RASL12: variants seen among roughly 807,000 people sequenced by gnomAD.
RASL12 encodes the protein RAS like family 12.
RASL12 carries 16 observed loss-of-function variants against 22.9 expected under a neutral mutation model. The observed-to-expected ratio is 0.70, with a 90% CI of 0.47 to 1.06. The LOEUF (loss-of-function observed/expected upper bound fraction) is 1.06, where lower values mean the gene tolerates loss of function less well. Among genes scored for constraint, RASL12 ranks in the 50% least tolerant of loss-of-function variants. RASL12 has a pLI of 0.00. For missense variants in RASL12, 306 were observed against 353.1 expected (o/e 0.87, Z 1.07); for synonymous variants, 159 against 152.2 (o/e 1.04, Z -0.33).
chr15:65,074,383 T>C lies in RASL12; in HGVS notation c.70+2146A>G, dbSNP rs1411886702. The stretch of plus-strand genomic sequence containing the variant: ...GAAATAGGTGTTATTATTGGCCCCA[T>C]TTTATTTTTTAATTAATTTTTTTTT... On this transcript the variant is annotated intron_variant, in intron 1 of 4. Transcript: ENST00000434605. Among the ~76,000 whole-genome samples, 2 of 146,754 alleles carry C rather than the reference T, an allele frequency of 1.4e-5. 1 individual carries two copies. The highest frequency in any genetic ancestry group is 3.0e-5 in the Non-Finnish European group (2 of 66,732).
At chr15:65,070,435 G>C (rs1453136539), upstream of RASL12, among the ~76,000 whole-genome samples, 1 of 152,210 alleles carries the variant, frequency 6.6e-6, no homozygotes, top group Non-Finnish European at 1.5e-5. Flanking sequence ...ACCGTTTAGT[G>C]ACCAGAAGTT....
intron 2 of RASL12, among the ~76,000 whole-genome samples, chr15:65,060,687 C>A (rs1008036306): frequency 6.6e-6 from 1 of 151,804 alleles, no homozygotes; most frequent in South Asian, 2.1e-4. Flanking sequence ...CCCTAGTGAC[C>A]CTAAAGAAGT....
chr15:65,058,366 C>A, intron 4 of RASL12, 61 bp downstream of exon 4: 1 of 1,367,970 alleles, frequency 7.3e-7, no homozygotes, highest in Non-Finnish European at 9.6e-7. Context: ...CAAGATGCCA[C>A]CTGACCTTAC....
downstream of RASL12, among the ~76,000 whole-genome samples, chr15:65,052,611 G>T (rs2086668596): frequency 6.6e-6 from 1 of 151,976 alleles, no homozygotes; most frequent in South Asian, 2.1e-4. Flanking sequence ...TGGCCAGACT[G>T]GTCTCAAACA....
chr15:65,051,679 G>A (rs1306914537), downstream of RASL12: 2 of 1,437,310 alleles, frequency 1.4e-6, no homozygotes, highest in Admixed American at 1.7e-5. Flanking sequence ...GGGAAATCTA[G>A]AGAGGGGTCA....
At chr15:65,050,028 C>T, downstream of RASL12, 1 of 1,551,434 alleles carries the variant, frequency 6.4e-7, no homozygotes, top group African/African-American at 1.4e-5. Flanking sequence ...AGGGGGCTCC[C>T]GGAGACCCAG....
chr15:65,051,487 G>T, downstream of RASL12: 1 of 1,610,790 alleles, frequency 6.2e-7, no homozygotes, highest in South Asian at 1.1e-5. Context: ...CCATTCCTCA[G>T]GGCTCTGTCC....
chr15:65,069,815 C>T (rs565158986), upstream of RASL12, among the ~76,000 whole-genome samples: 6 of 152,332 alleles, frequency 3.9e-5, no homozygotes, highest in African/African-American at 1.4e-4. Flanking sequence ...TAAGATGACC[C>T]TTAATTCTCT....
At chr15:65,053,169 G>A (rs865956343), downstream of RASL12, 1 of 1,613,538 alleles carries the variant, frequency 6.2e-7, no homozygotes, top group Non-Finnish European at 8.5e-7. Context: ...AGCTAGTGAG[G>A]GTTCAGAGAA....
At chr15:65,072,703 T>C (rs2086940230), upstream of RASL12, among the ~76,000 whole-genome samples, 1 of 152,090 alleles carries the variant, frequency 6.6e-6, no homozygotes, top group South Asian at 2.1e-4. Context: ...AAAAGTGCCA[T>C]GGAGTGGGCA....
chr15:65,065,245 C>T lies in RASL12; in HGVS notation c.132G>A (p.Arg44=). Residue 44 remains arginine (R), a synonymous_variant, in exon 2 of 5, where the codon AGG becomes AGA. Coordinates refer to ENST00000220062, the MANE Select transcript of RASL12 (RefSeq NM_016563.4). Reference sequence around the variant, plus strand: ...AGTTGGGGTCATATTCACTGATAAACCTCTTGGTCAGAAACTTCACGGTCA... The same window carrying T: ...AGTTGGGGTCATATTCACTGATAAATCTCTTGGTCAGAAACTTCACGGTCA... ...SALTVKFLTK[R]FISEYDPNLE... 6.2e-7 allele frequency: 1 copy of T among 1,612,820 alleles called. No individual in the cohort carries two copies.
chr15:65,058,733 C>A, intron 3 of RASL12, 116 bp from the exon 4 acceptor site: 1 of 774,708 alleles, frequency 1.3e-6, no homozygotes, highest in Non-Finnish European at 1.9e-6. Context: ...TGTTTCTCAG[C>A]AGAGCCCTTT....
Position 65,054,104 on chromosome 15 carries a change from G to A in RASL12, c.*795C>T. ...CCCTGGAGCCCTGGGTAACTCACTG[G>A]AGTGACAACTTTCTTCTGCAGCCTG... On this transcript the variant is annotated 3_prime_UTR_variant, in exon 5 of 5. Coordinates refer to ENST00000220062, the MANE Select transcript of RASL12 (RefSeq NM_016563.4). 1.0e-6 allele frequency: 1 copy of A among 985,942 alleles called. No individual in the cohort carries two copies. Among genetic ancestry groups the A allele is most frequent in the Non-Finnish European group, 1.2e-6 (1 of 830,028 alleles). 61.1% of individuals were successfully genotyped at this position (985,942 alleles called of 1,614,324 possible).
At chr15:65,047,877 T>A in the RASL12 span, among the ~76,000 whole-genome samples, 23 of 151,960 alleles carry the variant, frequency 1.5e-4, no homozygotes, top group Non-Finnish European at 4.4e-5. Flanking sequence ...TGCATGTGAG[T>A]CCTTGAAAGT....
intron 4 of RASL12, 37 bp downstream of exon 4, chr15:65,058,390 G>A (rs779720740): frequency 7.8e-6 from 11 of 1,401,682 alleles, no homozygotes; most frequent in Middle Eastern, 1.9e-4. Context: ...TGAAGAAAGC[G>A]AGCTCTGGAG....
At chr15:65,055,407 G>A (rs757183766) in intron 4 of RASL12, 133 bp from the exon 5 acceptor site, 17 of 722,026 alleles carry the variant, frequency 2.4e-5, no homozygotes, top group African/African-American at 1.2e-4. Flanking sequence ...GAGTCTCAGC[G>A]TTCTTATCAG....
intron 2 of RASL12, among the ~76,000 whole-genome samples, chr15:65,060,931 CA>C (rs148094804): frequency 3.3e-5 from 5 of 151,896 alleles, no homozygotes; most frequent in Non-Finnish European, 7.4e-5. Context: ...TATGCAAAGA[CA>C]AAAAAAATCT....
chr15:65,072,018 T>C (rs1346270555), upstream of RASL12, among the ~76,000 whole-genome samples: 2 of 152,184 alleles, frequency 1.3e-5, no homozygotes, highest in African/African-American at 4.8e-5. Context: ...CAGACACTCT[T>C]TCCCTACCAC....
upstream of RASL12, chr15:65,068,367 G>GAGGA: frequency 7.0e-6 from 6 of 859,444 alleles, no homozygotes; most frequent in Non-Finnish European, 7.0e-6. The surrounding 1 kb of genome is among the most constrained non-coding windows in gnomAD (Gnocchi z 4.2). Flanking sequence ...AAGCTTCCTG[G>GAGGA]GTTCAATTCC....
Sources: gnomAD v4.1 joint callset for allele counts (sites outside exome capture counted in the v4.1 genomes callset) on GRCh38, gnomAD v4.1.1 for gene constraint, Gnocchi (gnomAD v3.1) non-coding constraint, MANE v1.5 for transcripts, NCBI Gene and HGNC (gene_info 2026-07-23, HGNC 2026-07-21) for gene names.